SORBS2: variants seen among roughly 807,000 people sequenced by gnomAD.
SORBS2 encodes sorbin and SH3 domain containing 2.
A neutral mutation model predicts 97.7 loss-of-function variants in SORBS2; 46 were observed. The observed-to-expected ratio is 0.47, with a 90% confidence interval of 0.37 to 0.60. The LOEUF is 0.60. SORBS2 is among the 20% of genes least tolerant of loss of function. SORBS2 has a pLI of 0.00. For missense variants in SORBS2, 1,316 were observed against 1,282.3 expected (o/e 1.03, Z -0.40); for synonymous variants, 476 against 473.4 (o/e 1.01, Z -0.07).
Position 185,676,952 on chromosome 4 carries a change from C to T in SORBS2, c.-46+1471G>A, listed in dbSNP as rs191620787. The T allele has an allele frequency of 1.8e-3, 2,718 of 1,499,848 alleles. 85 individuals carry two copies. The Admixed American group carries it at 0.047, about 26-fold the overall frequency. 92.9% of individuals were successfully genotyped at this position (1,499,848 alleles called of 1,614,324 possible). ...CAAACCAAAGGAGTTAGGGTCTCTA[C>T]GATACGCATGTATTAATACGAAGAG... On this transcript the variant is annotated intron_variant, in intron 4 of 20. Transcript: ENST00000284776.
chr4:185,794,178 T>C (rs1479374230), intron 1 of SORBS2, among the ~76,000 whole-genome samples: 3 of 152,230 alleles, frequency 2.0e-5, no homozygotes, highest in Non-Finnish European at 4.4e-5. Flanking sequence ...TCACTTCAAA[T>C]TGTTTTTTGG....
chr4:185,796,287 C>T (rs2099104145), intron 1 of SORBS2, among the ~76,000 whole-genome samples: 1 of 152,186 alleles, frequency 6.6e-6, no homozygotes, highest in Non-Finnish European at 1.5e-5. Context: ...AAAGGAAATC[C>T]TATTTCACCT....
Position 185,606,436 on chromosome 4 carries a change from C to T in SORBS2, c.2796+5344G>A. On this transcript the variant is annotated intron_variant, in intron 12 of 14. Coordinates refer to ENST00000418609, the Ensembl canonical transcript of SORBS2. This position sits in a 1 kb window ranked among gnomAD's most constrained non-coding sequence, Gnocchi z 4.3. ...ATTAAATATGGTGTGTTTTCATATA[C>T]CCACTCCACCCCCATCTTATATAGT... The T allele has an allele frequency of 1.0e-6, 1 of 971,860 alleles. No individual in the cohort carries two copies. The highest frequency in any genetic ancestry group is 1.2e-6 in the Non-Finnish European group (1 of 817,780). 60.2% of individuals were successfully genotyped at this position (971,860 alleles called of 1,614,324 possible). A position where few individuals can be genotyped will look rare whatever the true frequency, so the allele number is the denominator to read the frequency against.
intron 4 of SORBS2, chr4:185,638,082 G>A: frequency 6.4e-7 from 1 of 1,573,946 alleles, no homozygotes; most frequent in Non-Finnish European, 8.7e-7. Context: ...CACTTACCGG[G>A]CGTCCAAACT....
At chr4:185,953,956 AG>A (rs2099278433) in intron 1 of SORBS2, among the ~76,000 whole-genome samples, 1 of 152,216 alleles carries the variant, frequency 6.6e-6, no homozygotes, top group Non-Finnish European at 1.5e-5. Flanking sequence ...GACATCCCGG[AG>A]GGAGACGTCC....
At chr4:185,767,216 T>G (rs970368077) in intron 2 of SORBS2, among the ~76,000 whole-genome samples, 5 of 152,080 alleles carry the variant, frequency 3.3e-5, no homozygotes, top group Admixed American at 1.3e-4. Flanking sequence ...ATGAAAGAGC[T>G]GGCCGGGCGC....
At chr4:185,874,859 T>C (rs2099232468) in intron 1 of SORBS2, among the ~76,000 whole-genome samples, 2 of 135,466 alleles carry the variant, frequency 1.5e-5, no homozygotes, top group Admixed American at 1.5e-4. Flanking sequence ...CTTACCCTGA[T>C]TTTTTTTTTT....
chr4:185,939,550 G>A (rs1359102713), intron 1 of SORBS2, among the ~76,000 whole-genome samples: 1 of 151,580 alleles, frequency 6.6e-6, no homozygotes, highest in Non-Finnish European at 1.5e-5. Context: ...CACTCTTGTT[G>A]CCCAGGCTGG....
intron 5 of SORBS2, among the ~76,000 whole-genome samples, chr4:185,629,332 A>G (rs1180313491): frequency 1.3e-5 from 2 of 152,252 alleles, no homozygotes; most frequent in East Asian, 3.9e-4. Context: ...AGATAGAGGC[A>G]GAAGATAAAA....
At chr4:185,786,220 C>T (rs2099055662) in intron 1 of SORBS2, among the ~76,000 whole-genome samples, 1 of 152,082 alleles carries the variant, frequency 6.6e-6, no homozygotes, top group Non-Finnish European at 1.5e-5. Context: ...AGAAAATCCC[C>T]ATATCTGAGC....
chr4:185,930,443 C>T (rs566689416), intron 1 of SORBS2, among the ~76,000 whole-genome samples: 21 of 151,304 alleles, frequency 1.4e-4, no homozygotes, highest in South Asian at 8.3e-4. Flanking sequence ...TACAGGCGAC[C>T]GCCACCACCA....
intron 2 of SORBS2, among the ~76,000 whole-genome samples, chr4:185,727,770 A>G (rs1309982887): frequency 6.6e-6 from 1 of 152,238 alleles, no homozygotes; most frequent in African/African-American, 2.4e-5. Context: ...ATAAATCAAG[A>G]TAAACAGCTT....
intron 1 of SORBS2, among the ~76,000 whole-genome samples, chr4:185,950,656 C>T (rs11132371): frequency 0.92 from 140,609 of 152,300 alleles, 65,009 homozygotes; most frequent in African/African-American, 0.97. Context: ...GGAGCCTTAA[C>T]ACAAGACCAG....
At chr4:185,753,883 G>A (rs547349467) in intron 2 of SORBS2, among the ~76,000 whole-genome samples, 81 of 152,272 alleles carry the variant, frequency 5.3e-4, no homozygotes, top group Admixed American at 7.2e-4. Context: ...ATTGTGGAAA[G>A]CATTTGGTGA....
intron 2 of SORBS2, among the ~76,000 whole-genome samples, chr4:185,769,583 C>T (rs111969100): frequency 5.3e-5 from 8 of 152,124 alleles, no homozygotes; most frequent in Non-Finnish European, 7.3e-5. Context: ...CTGTGCCTCC[C>T]GGGTTCAAGC....
intron 11 of SORBS2, among the ~76,000 whole-genome samples, chr4:185,612,859 G>A (rs1384443166): frequency 2.6e-5 from 4 of 152,082 alleles, no homozygotes; most frequent in African/African-American, 4.8e-5. Context: ...GAAAGAGAGC[G>A]CCCTAGAATA....
chr4:185,786,408 A>G (rs368892744), intron 1 of SORBS2, among the ~76,000 whole-genome samples: 18 of 152,246 alleles, frequency 1.2e-4, no homozygotes, highest in African/African-American at 4.3e-4. Flanking sequence ...TCATTCCTCT[A>G]GCAGGGGGAG....
intron 1 of SORBS2, among the ~76,000 whole-genome samples, chr4:185,913,694 G>T (rs182203881): frequency 1.3e-5 from 2 of 152,234 alleles, no homozygotes; most frequent in African/African-American, 4.8e-5. Flanking sequence ...GTAACACCAG[G>T]AATGTCTCTC....
At position 185,923,188 on chromosome 4, in the gene SORBS2, A is replaced by G. The variant is rs367811449; in HGVS notation, c.-338+33008T>C. Among the ~76,000 whole-genome samples the G allele has an allele frequency of 1.4e-4, 21 of 152,322 alleles. No individual in the cohort carries two copies. In the East Asian group the frequency reaches 3.7e-3, roughly 27 times the overall value. ...TGAGTGTCTTGTCCCATCTTCTTCTATAGTCTTCCTTGTCTCTGTTGTGGT... is the reference window on the plus strand; with the variant it reads ...TGAGTGTCTTGTCCCATCTTCTTCTGTAGTCTTCCTTGTCTCTGTTGTGGT... On this transcript the variant is annotated intron_variant, in intron 1 of 20. Transcript: ENST00000284776.
Sources: allele counts gnomAD v4.1 joint callset (sites outside exome capture counted in the v4.1 genomes callset), GRCh38; gene constraint gnomAD v4.1.1; non-coding constraint Gnocchi (gnomAD v3.1); transcripts MANE v1.5; gene names NCBI Gene and HGNC (gene_info 2026-07-23, HGNC 2026-07-21).